The following AKAP13 variants were observed in gnomAD, a reference collection of about 807,000 sequenced individuals.
The protein encoded by AKAP13 is A-kinase anchoring protein 13.
AKAP13 carries 80 observed loss-of-function variants against 264.5 expected under a neutral mutation model. The ratio of observed to expected loss-of-function variants is 0.30; its 90% confidence interval spans 0.25 to 0.36. The LOEUF is 0.36. Ranked by LOEUF, AKAP13 falls within the 10% of genes least tolerant of loss-of-function variation. AKAP13 has a pLI of 1.00. For synonymous variants in AKAP13, 1,380 were observed against 1,250.2 expected, an observed-to-expected ratio of 1.10 and a Z score of -2.19; for missense variants, 3,712 against 3,435.2, an observed-to-expected ratio of 1.08 and a Z score of -2.01.
chr15:85,689,157 G>A (rs2085117288), intron 16 of AKAP13, among the ~76,000 whole-genome samples: 1 of 152,152 alleles, frequency 6.6e-6, no homozygotes, highest in Non-Finnish European at 1.5e-5. Flanking sequence ...GAGTGCACAG[G>A]TTAAATTCCT....
intron 3 of AKAP13, among the ~76,000 whole-genome samples, chr15:85,521,796 C>A (rs1284812306): frequency 6.6e-6 from 1 of 152,084 alleles, no homozygotes; most frequent in African/African-American, 2.4e-5. Context: ...ATGTCGGCCA[C>A]CTACCAAATT....
At chr15:85,631,197 C>G (rs953861505) in intron 8 of AKAP13, among the ~76,000 whole-genome samples, 6 of 152,092 alleles carry the variant, frequency 3.9e-5, no homozygotes, top group Non-Finnish European at 7.4e-5. Flanking sequence ...ATGTGTGACT[C>G]TATTTGTATG....
chr15:85,637,052 A>G (rs1422309723), intron 8 of AKAP13, among the ~76,000 whole-genome samples: 1 of 152,264 alleles, frequency 6.6e-6, no homozygotes, highest in African/African-American at 2.4e-5. Context: ...GCTGGATTCC[A>G]TTAACCTAAA....
chr15:85,438,853 A>T (rs2073469060), intron 1 of AKAP13, among the ~76,000 whole-genome samples: 1 of 150,652 alleles, frequency 6.6e-6, no homozygotes, highest in Non-Finnish European at 1.5e-5. Flanking sequence ...TAGACCTAAA[A>T]CCATAAAAAC....
In AKAP13 at chr15:85,746,996, G is replaced by T. The variant is rs1437017676; in HGVS notation, c.*2319G>T. The stretch of plus-strand genomic sequence containing the variant: ...AATGTTAGAGGGTCTCTTACTCCCC[G>T]CCCAGCTGTGATGTTTCATCTGCTT... On this transcript the variant is annotated 3_prime_UTR_variant, in exon 37 of 37. Transcript: ENST00000394518. 1 of 152,134 alleles carries T rather than the reference G, an allele frequency of 6.6e-6. No individual in the cohort carries two copies. 9.4% of individuals were successfully genotyped at this position (152,134 alleles called of 1,614,324 possible).
Position 85,515,420 on chromosome 15 carries a change from A to C in AKAP13, c.34-6008A>C, listed in dbSNP as rs2076567839. Among the ~76,000 whole-genome samples the C allele has an allele frequency of 1.4e-5, 2 of 138,590 alleles. 1 individual carries two copies. The highest frequency in any genetic ancestry group is 4.1e-4 in the East Asian group (2 of 4,934). 90.9% of individuals were successfully genotyped at this position (138,590 alleles called of 152,430 possible). On this transcript the variant is annotated intron_variant, in intron 2 of 36. Transcript: ENST00000394518. Reference sequence around the variant, plus strand: ...AACGCTTTGTTGTGTGGTTTCTGAGAACAAAGGTGTTCTTTCATAACCACG... The same window carrying C: ...AACGCTTTGTTGTGTGGTTTCTGAGCACAAAGGTGTTCTTTCATAACCACG...
At chr15:85,398,803 G>A (rs1479875352) in intron 1 of AKAP13, among the ~76,000 whole-genome samples, 1 of 152,120 alleles carries the variant, frequency 6.6e-6, no homozygotes, top group African/African-American at 2.4e-5. Context: ...TGATCCACGT[G>A]TTTCCGCCAG....
intron 8 of AKAP13, among the ~76,000 whole-genome samples, chr15:85,638,548 TAA>T (rs2082164876): frequency 6.6e-6 from 1 of 152,190 alleles, no homozygotes; most frequent in South Asian, 2.1e-4. Context: ...GTTTATCAAT[TAA>T]GAGAGGAGTA....
chr15:85,472,063 A>C lies in AKAP13; in HGVS notation c.-11-13647A>C, dbSNP rs186181863. 7.2e-4 allele frequency among the ~76,000 whole-genome samples: 109 copies of C among 152,218 alleles called. 1 individual carries two copies. Among genetic ancestry groups the C allele is most frequent in the African/African-American group, 2.4e-3 (101 of 41,528 alleles). ...TCAGTATACAGGCCTTACACATTTC[A>C]TTAAATTTGTCCTTAAGTATTTCAT... On this transcript the variant is annotated intron_variant, in intron 1 of 36. Coordinates refer to ENST00000394518, the MANE Select transcript of AKAP13 (RefSeq NM_007200.5).
At chr15:85,564,281 C>T (rs2151273970) in intron 5 of AKAP13, among the ~76,000 whole-genome samples, 1 of 152,266 alleles carries the variant, frequency 6.6e-6, no homozygotes, top group Middle Eastern at 3.4e-3. Context: ...GTGCAATGAA[C>T]TCCTATATAT....
intron 10 of AKAP13, among the ~76,000 whole-genome samples, chr15:85,654,486 T>G (rs2083007310): frequency 6.6e-6 from 1 of 152,154 alleles, no homozygotes; most frequent in African/African-American, 2.4e-5. Flanking sequence ...TTGCAGTTGG[T>G]GATATTTACT....
At chr15:85,452,221 T>C (rs1206698280) in intron 1 of AKAP13, among the ~76,000 whole-genome samples, 1 of 32,796 alleles carries the variant, frequency 3.0e-5, no homozygotes, top group Non-Finnish European at 6.4e-5. Context: ...CCCTTAGGGT[T>C]TTTTTTTTTT....
intron 1 of AKAP13, among the ~76,000 whole-genome samples, chr15:85,437,632 G>C (rs566136659): frequency 1.3e-5 from 2 of 152,252 alleles, no homozygotes; most frequent in South Asian, 4.1e-4. Context: ...ATGATCAAGT[G>C]GGCTTCATCC....
chr15:85,613,711 TATTA>T lies in AKAP13; in HGVS notation c.4162-25662_4162-25659del, dbSNP rs201288102. On this transcript the variant is annotated intron_variant, in intron 8 of 36. Transcript: ENST00000394518. Reference sequence around the variant, plus strand: ...AAAAAAATATATATATATATATATATATTAGGAGTGCTGATTGATGGACAGATGT... The same window carrying T: ...AAAAAAATATATATATATATATATATGGAGTGCTGATTGATGGACAGATGT... Among the ~76,000 whole-genome samples the T allele has an allele frequency of 2.9e-4, 36 of 126,194 alleles. 4 individuals are homozygous for T. The highest frequency in any genetic ancestry group is 1.2e-3 in the Admixed American group (15 of 12,544). 82.8% of individuals were successfully genotyped at this position (126,194 alleles called of 152,430 possible).
In AKAP13 at chr15:85,543,917, G is replaced by A. The variant is rs2077647966; in HGVS notation, c.624G>A (p.Leu208=). ...GGGCGACGCCTGTGAGCTTGGCCTTGGAGCGAGGCTATCACAAGCTGCACC... is the reference window on the plus strand; with the variant it reads ...GGGCGACGCCTGTGAGCTTGGCCTTAGAGCGAGGCTATCACAAGCTGCACC... The part of the protein sequence containing the change: ...QEGATPVSLA[L]ERGYHKLHQL... Residue 208 remains leucine (L), a synonymous_variant, in exon 5 of 37, where the codon TTG becomes TTA. Transcript: ENST00000394518. The A allele has an allele frequency of 6.2e-7, 1 of 1,613,754 alleles. No individual in the cohort carries two copies. Among genetic ancestry groups the A allele is most frequent in the Non-Finnish European group, 8.5e-7 (1 of 1,179,748 alleles).
At chr15:85,524,033 G>A (rs1385515516) in intron 3 of AKAP13, among the ~76,000 whole-genome samples, 1 of 152,214 alleles carries the variant, frequency 6.6e-6, no homozygotes, top group African/African-American at 2.4e-5. Flanking sequence ...CCCAGTTCCT[G>A]GATAAATGTG....
intron 14 of AKAP13, among the ~76,000 whole-genome samples, chr15:85,680,512 A>G (rs187425348): frequency 4.6e-5 from 7 of 152,190 alleles, no homozygotes; most frequent in African/African-American, 1.4e-4. Flanking sequence ...ACGGAAGGCA[A>G]TCTTTTGAAG....
In AKAP13 at chr15:85,579,238, C is replaced by T; in HGVS notation, c.1170C>T (p.Asp390=). 1 of 1,614,184 alleles carries T rather than the reference C, an allele frequency of 6.2e-7. No individual in the cohort carries two copies. Among genetic ancestry groups the T allele is most frequent in the Non-Finnish European group, 8.5e-7 (1 of 1,180,034 alleles). The stretch of plus-strand genomic sequence containing the variant: ...AGGTGGAGCCAGCACCTATTGTGGA[C>T]TCTGGAACTGTATCTGATCAAGACA... ...GEEVEPAPIV[D]SGTVSDQDSC... Residue 390 remains aspartate, a synonymous_variant, in exon 7 of 37, where the codon GAC becomes GAT. Transcript: ENST00000394518.
At chr15:85,419,815 A>C (rs547318722) in intron 1 of AKAP13, among the ~76,000 whole-genome samples, 149 of 152,232 alleles carry the variant, frequency 9.8e-4, no homozygotes, top group Non-Finnish European at 1.8e-3. Context: ...AGAGAAGGGA[A>C]ATTGTGTACC....
Sources: allele counts gnomAD v4.1 joint callset (sites outside exome capture counted in the v4.1 genomes callset), GRCh38; gene constraint gnomAD v4.1.1; transcripts MANE v1.5; gene names NCBI Gene and HGNC (gene_info 2026-07-23, HGNC 2026-07-21).